The following KDM6B variants were observed in gnomAD, a reference collection of about 807,000 sequenced individuals.
KDM6B encodes lysine-specific demethylase 6B.
KDM6B carries 22 observed loss-of-function variants against 150.4 expected under a neutral mutation model. That is an observed-to-expected ratio of 0.15 (90% CI 0.10 to 0.21). KDM6B has a LOEUF of 0.21. Among genes scored for constraint, KDM6B ranks in the 10% least tolerant of loss-of-function variants. KDM6B has a pLI of 1.00. For synonymous variants in KDM6B, 1,148 were observed against 921.1 expected (o/e 1.25, Z -4.46); for missense variants, 1,984 against 2,234.3 (o/e 0.89, Z 2.26).
In KDM6B at chr17:7,845,639, A is replaced by AGCTCCTGCCCGCCTCATCCCC; in HGVS notation, c.86_106dup (p.Pro35_Pro36insArgSerCysProProHisPro). On this transcript the variant is annotated inframe_insertion, in exon 5 of 24. Coordinates refer to ENST00000448097, the MANE Select transcript of KDM6B (RefSeq NM_001348716.2). ...GGGCCTGAGCTGTGCTGGGGCCTGG[A>AGCTCCTGCCCGCCTCATCCCC]GCTCCTGCCCGCCTCATCCCCCTCC... is the stretch of plus-strand genomic sequence containing the variant. The AGCTCCTGCCCGCCTCATCCCC allele has an allele frequency of 6.2e-7, 1 of 1,614,048 alleles. No homozygotes were observed. Among genetic ancestry groups the AGCTCCTGCCCGCCTCATCCCC allele is most frequent in the Non-Finnish European group, 8.5e-7 (1 of 1,180,006 alleles).
Position 7,847,249 on chromosome 17 carries a change from G to T in KDM6B, c.1054G>T (p.Ala352Ser). The change falls in exon 11 of 24, where the codon GCC becomes TCC. Residue 352 changes from alanine to serine, a missense_variant. Physicochemically the swap from Ala to Ser is moderately conservative, Grantham distance 99 (BLOSUM62 1). Around this residue, in one of 13 missense-constraint regions of KDM6B, gnomAD observed 1,379 missense variants for 1,275.6 expected, o/e 1.08. Coordinates refer to ENST00000448097, the MANE Select transcript of KDM6B (RefSeq NM_001348716.2). ...PGAESHGCLPATRPPGSDLRE... is the reference protein window; with the variant it reads ...PGAESHGCLPSTRPPGSDLRE... ...AGCAGAGAGCCATGGCTGCCTGCCT[G>T]CCACCCGTCCCCCCGGAAGTGACCT... is the stretch of plus-strand genomic sequence containing the variant. 6 of 1,601,132 alleles carry T rather than the reference G, an allele frequency of 3.7e-6. No homozygotes were observed. The highest frequency in any genetic ancestry group is 4.2e-6 in the Non-Finnish European group (5 of 1,179,134).
rs1597854476 is a variant in KDM6B at position 7,851,181 on chromosome 17, C to A, written c.3834C>A (p.Ala1278=). ...GCTCCCGTTCCCACACCACCATTGC[C>A]AAGTACGCACAGTACCAGGCCTCAT... ...CESSRSHTTI[A]KYAQYQASSF... is the part of the protein sequence containing the mutation. The change falls in exon 15 of 24, where the codon GCC becomes GCA. Residue 1278 remains alanine (A), a synonymous_variant. Coordinates refer to ENST00000448097, the MANE Select transcript of KDM6B (RefSeq NM_001348716.2). 1 of 1,614,056 alleles carries A rather than the reference C, an allele frequency of 6.2e-7. No individual in the cohort carries two copies. The highest frequency in any genetic ancestry group is 8.5e-7 in the Non-Finnish European group (1 of 1,180,050).
In KDM6B at chr17:7,846,257, G is replaced by A. The variant is rs1389305220; in HGVS notation, c.416G>A (p.Ser139Asn). The part of the protein sequence containing the change: ...CYHSALRYGG[S>N]FAELGPRIGR... ...CACAGCGCCCTTCGATACGGAGGAA[G>A]CTTCGCTGAGCTGGGGCCCCGCATT... Residue 139 changes from serine (S) to asparagine (N), a missense_variant, in exon 7 of 24, where the codon AGC becomes AAC. Ser to Asn is a conservative substitution (Grantham distance 46, BLOSUM62 1). Around this residue, in one of 13 missense-constraint regions of KDM6B, gnomAD observed 337 missense variants for 323.9 expected, o/e 1.04. Transcript: ENST00000448097. 1.7e-5 allele frequency: 27 copies of A among 1,613,754 alleles called. No homozygotes were observed. Among genetic ancestry groups the A allele is most frequent in the East Asian group, 2.2e-5 (1 of 44,888 alleles).
Position 7,848,923 on chromosome 17 carries a change from G to C in KDM6B, c.2635G>C (p.Ala879Pro). The C allele has an allele frequency of 6.3e-7, 1 of 1,596,318 alleles. No individual in the cohort carries two copies. The highest frequency in any genetic ancestry group is 8.5e-7 in the Non-Finnish European group (1 of 1,170,610). Residue 879 changes from alanine to proline, a missense_variant, in exon 12 of 24, where the codon GCC (alanine) becomes CCC (proline). Coordinates refer to ENST00000448097, the MANE Select transcript of KDM6B (RefSeq NM_001348716.2). ...SQFSTSGGPW[A>P]RERRAGEEPV... is the part of the protein sequence containing the mutation. ...GTTCTCTACCTCAGGCGGGCCCTGG[G>C]CCCGGGAGCGCAGGGCGGGCGAAGA...
intron 1 of KDM6B, among the ~76,000 whole-genome samples, 198 bp from the exon 2 acceptor site, chr17:7,839,708 A>G (rs889724160): frequency 4.6e-5 from 7 of 152,068 alleles, no homozygotes; most frequent in African/African-American, 1.7e-4. Context: ...CCCCTTACCA[A>G]CTGATCGAGC....
intron 2 of KDM6B, among the ~76,000 whole-genome samples, chr17:7,842,776 T>A (rs2078444061): frequency 6.8e-6 from 1 of 146,796 alleles, no homozygotes; most frequent in Admixed American, 7.0e-5. Context: ...AGGCGGGGGC[T>A]GAGTCAGTGG....
chr17:7,843,659 G>C lies in KDM6B; in HGVS notation c.-268-1242G>C, dbSNP rs546547484. Among the ~76,000 whole-genome samples, 1 of 151,998 alleles carries C rather than the reference G, an allele frequency of 6.6e-6. No homozygotes were observed. The highest frequency in any genetic ancestry group is 1.9e-4 in the East Asian group (1 of 5,130). Reference sequence around the variant, plus strand: ...CGCACTCTCCCCCGGCTTCCTGCCCGGCGCTCGCTCCAGCTGGAGCGCTGG... The same window carrying C: ...CGCACTCTCCCCCGGCTTCCTGCCCCGCGCTCGCTCCAGCTGGAGCGCTGG... On this transcript the variant is annotated intron_variant, in intron 2 of 23. Transcript: ENST00000448097. The surrounding 1 kb of genome is among the most constrained non-coding windows in gnomAD (Gnocchi z 4.5).
At position 7,844,429 on chromosome 17, in the gene KDM6B, CG is replaced by C. The variant is rs1012900465; in HGVS notation, c.-268-469del. 5 of 152,070 alleles carry C rather than the reference CG, an allele frequency of 3.3e-5. No homozygotes were observed. The highest frequency in any genetic ancestry group is 1.3e-4 in the Admixed American group (2 of 15,258). 9.4% of individuals were successfully genotyped at this position (152,070 alleles called of 1,614,324 possible). On this transcript the variant is annotated intron_variant, in intron 2 of 23. Transcript: ENST00000448097. This position sits in a 1 kb window ranked among gnomAD's most constrained non-coding sequence, Gnocchi z 5.9. ...GGTGGAGCGCCGATAGCGGCGCGGA[CG>C]GGTTTGGGTGCCGTGGAAGTCGCTG... is the stretch of plus-strand genomic sequence containing the variant.
chr17:7,837,917 TA>T (rs2078355552), intron 1 of KDM6B, among the ~76,000 whole-genome samples: 1 of 152,058 alleles, frequency 6.6e-6, no homozygotes. Flanking sequence ...AGATTGGGGT[TA>T]GGGGGCTGGG....
In KDM6B at chr17:7,849,725, G is replaced by C. The variant is rs2078653001; in HGVS notation, c.3437G>C (p.Ser1146Thr). The C allele has an allele frequency of 1.2e-6, 2 of 1,612,090 alleles. No homozygotes were observed. Among genetic ancestry groups the C allele is most frequent in the Non-Finnish European group, 1.7e-6 (2 of 1,179,966 alleles). Residue 1146 changes from serine (S) to threonine (T), a missense_variant, in exon 12 of 24, where the codon AGC (serine) becomes ACC (threonine). Coordinates refer to ENST00000448097, the MANE Select transcript of KDM6B (RefSeq NM_001348716.2). ...SHCAADVVRA[S>T]RNAKVKGKFR... is the part of the protein sequence containing the mutation. ...TGTGCTGCTGACGTCGTGCGCGCCA[G>C]CAGGTGAGTCGGCTGCCTGCTTGCT...
At chr17:7,850,544 C>T (rs2078670834) in intron 14 of KDM6B, among the ~76,000 whole-genome samples, 1 of 152,216 alleles carries the variant, frequency 6.6e-6, no homozygotes, top group African/African-American at 2.4e-5. Flanking sequence ...AAAGGTCAAT[C>T]TTGTCTCCTT....
chr17:7,847,070 A>C (rs749845682), intron 10 of KDM6B, 35 bp from the exon 11 acceptor site: 1 of 1,610,814 alleles, frequency 6.2e-7, no homozygotes, highest in Non-Finnish European at 8.5e-7. Flanking sequence ...CACGCTCTCT[A>C]TTCCTCATCC....
chr17:7,841,616 G>A (rs1287729038), intron 2 of KDM6B, among the ~76,000 whole-genome samples: 3 of 152,212 alleles, frequency 2.0e-5, no homozygotes, highest in East Asian at 3.8e-4. Context: ...GGCACAGAGG[G>A]AGACAAGATG....
chr17:7,837,320 T>G (rs770667342), intron 1 of KDM6B, among the ~76,000 whole-genome samples: 5 of 152,098 alleles, frequency 3.3e-5, no homozygotes, highest in Non-Finnish European at 7.4e-5. Flanking sequence ...AGCTTATCCC[T>G]GAAATCCCCA....
rs2078463865 is a variant in KDM6B, at chr17:7,843,639, T to A, written c.-268-1262T>A. Among the ~76,000 whole-genome samples, 1 of 151,806 alleles carries A rather than the reference T, an allele frequency of 6.6e-6. No individual in the cohort carries two copies. The highest frequency in any genetic ancestry group is 2.1e-4 in the South Asian group (1 of 4,826). On this transcript the variant is annotated intron_variant, in intron 2 of 23. Coordinates refer to ENST00000448097, the MANE Select transcript of KDM6B (RefSeq NM_001348716.2). This position sits in a 1 kb window ranked among gnomAD's most constrained non-coding sequence, Gnocchi z 4.5. ...CCACCCCCAGCCCCTCGTCGCGCAC[T>A]CTCCCCCGGCTTCCTGCCCGGCGCT...
Position 7,845,034 on chromosome 17 carries a change from G to GAAT in KDM6B, c.-149+14_-149+15insAAT. Reference sequence around the variant, plus strand: ...CACGGAGGCCGGGTAAGCGGCCGCTGCGTTTTGGGTCGGCCCAGTGGCTCC... The same window carrying GAAT: ...CACGGAGGCCGGGTAAGCGGCCGCTGAATCGTTTTGGGTCGGCCCAGTGGCTCC... On this transcript the variant is annotated intron_variant, in intron 3 of 23. Transcript: ENST00000448097. 5.2e-6 allele frequency: 1 copy of GAAT among 192,960 alleles called. No individual in the cohort carries two copies. The highest frequency in any genetic ancestry group is 5.4e-5 in the Admixed American group (1 of 18,392). 12.0% of individuals were successfully genotyped at this position (192,960 alleles called of 1,614,324 possible). A position where few individuals can be genotyped will look rare whatever the true frequency, so the allele number is the denominator to read the frequency against.
At position 7,848,363 on chromosome 17, in the gene KDM6B, C is replaced by T; in HGVS notation, c.2075C>T (p.Pro692Leu). The T allele has an allele frequency of 4.3e-6, 7 of 1,612,990 alleles. No homozygotes were observed. Among genetic ancestry groups the T allele is most frequent in the Non-Finnish European group, 5.9e-6 (7 of 1,180,008 alleles). ...FEEPAEFKILPDGLANIMKML... is the reference protein window; with the variant it reads ...FEEPAEFKILLDGLANIMKML... ...GAGCCAGCCGAATTCAAGATCCTACCTGATGGGCTGGCCAACATCATGAAG... is the reference window on the plus strand; with the variant it reads ...GAGCCAGCCGAATTCAAGATCCTACTTGATGGGCTGGCCAACATCATGAAG... Residue 692 changes from proline to leucine, a missense_variant, in exon 12 of 24, where the codon CCT becomes CTT. By Grantham distance (98) the Pro-to-Leu change is moderately conservative. Around this residue, in one of 13 missense-constraint regions of KDM6B, gnomAD observed 1,379 missense variants for 1,275.6 expected, o/e 1.08. Coordinates refer to ENST00000448097, the MANE Select transcript of KDM6B (RefSeq NM_001348716.2).
chr17:7,848,988 A>G lies in KDM6B; in HGVS notation c.2700A>G (p.Pro900=), dbSNP rs760749703. ...CCATGACCCCCACCCAACCGCCCCC[A>G]CCCCTATCTCTGCCCCCTGCTCGCT... ...PGPMTPTQPP[P]PLSLPPARSE... Residue 900 remains proline (P), a synonymous_variant, in exon 12 of 24, where the codon CCA becomes CCG. Transcript: ENST00000448097. 2.0e-6 allele frequency: 1 copy of G among 493,328 alleles called. No individual in the cohort carries two copies. The highest frequency in any genetic ancestry group is 2.0e-5 in the South Asian group (1 of 49,244). 30.6% of individuals were successfully genotyped at this position (493,328 alleles called of 1,614,324 possible).
chr17:7,850,249 C>A (rs976562783), intron 14 of KDM6B, 72 bp downstream of exon 14: 26 of 1,263,476 alleles, frequency 2.1e-5, no homozygotes, highest in Non-Finnish European at 2.7e-5. Context: ...TCTGAGAAAT[C>A]CCACACTTGA....
Sources: gnomAD v4.1 joint callset for allele counts (sites outside exome capture counted in the v4.1 genomes callset) on GRCh38, gnomAD v4.1.1 for gene constraint, gnomAD v4.1.1 regional missense constraint, Gnocchi (gnomAD v3.1) non-coding constraint, MANE v1.5 for transcripts, NCBI Gene and HGNC (gene_info 2026-07-23, HGNC 2026-07-21) for gene names.